The following DPYS variants were observed in gnomAD, a reference collection of about 807,000 sequenced individuals.
The protein encoded by DPYS is dihydropyrimidinase.
In DPYS, 39 loss-of-function variants were observed where a neutral mutation model predicts 50.3. That is an observed-to-expected ratio of 0.78 (90% CI 0.60 to 1.01). DPYS has a LOEUF of 1.01. Ranked by LOEUF, DPYS falls within the 50% of genes least tolerant of loss-of-function variation. The pLI is 0.00. For missense variants in DPYS, 659 were observed against 680.9 expected (o/e 0.97, Z 0.36); for synonymous variants, 245 against 250.7 (o/e 0.98, Z 0.22).
chr8:104,459,408 G>A (rs1432281227), intron 1 of DPYS, among the ~76,000 whole-genome samples: 7 of 152,122 alleles, frequency 4.6e-5, no homozygotes, highest in Non-Finnish European at 8.8e-5. Flanking sequence ...TCTGTTTACC[G>A]CTGAGAACAA....
chr8:104,446,132 A>C (rs1813521523), intron 3 of DPYS, among the ~76,000 whole-genome samples: 2 of 152,206 alleles, frequency 1.3e-5, no homozygotes, highest in South Asian at 4.1e-4. Context: ...TGTAACACAA[A>C]GGGTAAATGC....
At chr8:104,449,211 C>T (rs952022061) in intron 2 of DPYS, among the ~76,000 whole-genome samples, 5 of 152,026 alleles carry the variant, frequency 3.3e-5, no homozygotes, top group Admixed American at 6.6e-5. Context: ...ACAATGAGTA[C>T]ATTAGTTTTA....
chr8:104,448,949 C>T (rs904694302), intron 2 of DPYS, among the ~76,000 whole-genome samples: 4 of 152,080 alleles, frequency 2.6e-5, no homozygotes, highest in African/African-American at 9.7e-5. Flanking sequence ...GGATTTCAGC[C>T]CCATGAGAGA....
At chr8:104,404,268 T>G (rs969672640) in intron 7 of DPYS, among the ~76,000 whole-genome samples, 3 of 152,156 alleles carry the variant, frequency 2.0e-5, no homozygotes, top group Non-Finnish European at 4.4e-5. Context: ...CCCAGCTCAT[T>G]TGAACCTCAA....
chr8:104,381,419 T>A (rs1211591188), intron 8 of DPYS, 105 bp from the exon 9 acceptor site: 1 of 1,072,846 alleles, frequency 9.3e-7, no homozygotes, highest in South Asian at 1.3e-5. Flanking sequence ...AAGAATCTTA[T>A]AAATTTATCA....
At chr8:104,428,467 C>T (rs1022214265) in intron 5 of DPYS, among the ~76,000 whole-genome samples, 1 of 152,218 alleles carries the variant, frequency 6.6e-6, no homozygotes, top group African/African-American at 2.4e-5. Context: ...AAGATAACTT[C>T]AGAATCACCA....
At chr8:104,430,860 T>C (rs1812931674) in intron 4 of DPYS, among the ~76,000 whole-genome samples, 1 of 152,188 alleles carries the variant, frequency 6.6e-6, no homozygotes, top group Non-Finnish European at 1.5e-5. Context: ...TTCCGTGACA[T>C]ACCCTACTGG....
At chr8:104,450,147 AAGGAAGGG>A (rs1554700351) in intron 2 of DPYS, among the ~76,000 whole-genome samples, 2 of 68,016 alleles carry the variant, frequency 2.9e-5, no homozygotes, top group African/African-American at 9.4e-5. Flanking sequence ...GAAAAGAAAG[AAGGAAGGG>A]AGGAAGGGAG....
intron 7 of DPYS, among the ~76,000 whole-genome samples, chr8:104,414,777 T>C (rs1446599312): frequency 6.6e-6 from 1 of 152,198 alleles, no homozygotes; most frequent in East Asian, 1.9e-4. Context: ...GTTTCCTCCA[T>C]AACCGATGGC....
At chr8:104,458,721 T>C (rs956829118) in intron 1 of DPYS, among the ~76,000 whole-genome samples, 1 of 152,202 alleles carries the variant, frequency 6.6e-6, no homozygotes, top group East Asian at 1.9e-4. Flanking sequence ...AAGTTGCGTG[T>C]TAGTGTGAAA....
At chr8:104,409,139 T>G (rs1177432574) in intron 7 of DPYS, among the ~76,000 whole-genome samples, 2 of 151,656 alleles carry the variant, frequency 1.3e-5, no homozygotes, top group Non-Finnish European at 2.9e-5. Context: ...CTAAGGGGCA[T>G]TCTACTAAAA....
intron 8 of DPYS, among the ~76,000 whole-genome samples, chr8:104,381,935 A>T (rs184131851): frequency 4.6e-5 from 7 of 151,918 alleles, no homozygotes; most frequent in Admixed American, 3.9e-4. Context: ...GACCACCCAA[A>T]CTAATACATT....
intron 8 of DPYS, 145 bp from the exon 9 acceptor site, chr8:104,381,459 G>A (rs2253336): frequency 0.83 from 606,583 of 728,700 alleles, 258,953 homozygotes; most frequent in Non-Finnish European, 0.9. Flanking sequence ...GGCCTTTCAC[G>A]GAAATTCCTG....
At position 104,392,785 on chromosome 8, in the gene DPYS, C is replaced by G; in HGVS notation, c.1442G>C (p.Arg481Pro). 6.2e-7 allele frequency: 1 copy of G among 1,614,046 alleles called. No individual in the cohort carries two copies. The highest frequency in any genetic ancestry group is 1.1e-5 in the South Asian group (1 of 91,056). ...AGTATCCCACTGTGGCACACTCACCCGGTCTCGCTGCTTTATTCGTTTGTA... is the reference window on the plus strand; with the variant it reads ...AGTATCCCACTGTGGCACACTCACCGGGTCTCGCTGCTTTATTCGTTTGTA... ...YIYKRIKQRD[R>P]TCTPTPVERA... is the part of the protein sequence containing the mutation. The change falls in exon 8 of 10, where the codon CGG (arginine) becomes CCG (proline). Residue 481 changes from arginine to proline, a missense_variant and splice_region_variant. Coordinates refer to ENST00000351513, the MANE Select transcript of DPYS (RefSeq NM_001385.3).
chr8:104,460,592 A>C (rs1814091718), intron 1 of DPYS, among the ~76,000 whole-genome samples: 1 of 152,214 alleles, frequency 6.6e-6, no homozygotes, highest in Non-Finnish European at 1.5e-5. Context: ...TACCCAGGCC[A>C]GACATGTGAG....
intron 6 of DPYS, among the ~76,000 whole-genome samples, chr8:104,427,588 A>AT (rs1480830599): frequency 2.0e-5 from 3 of 151,768 alleles, no homozygotes; most frequent in South Asian, 2.1e-4. Context: ...CCCTTCGTGT[A>AT]TTTTTTATCA....
intron 7 of DPYS, among the ~76,000 whole-genome samples, chr8:104,398,355 T>C (rs1811659391): frequency 6.6e-6 from 1 of 152,240 alleles, no homozygotes; most frequent in South Asian, 2.1e-4. Context: ...GCAGTATCTG[T>C]GCCTAGGAGC....
chr8:104,444,872 G>T (rs1377435872), intron 3 of DPYS, among the ~76,000 whole-genome samples: 2 of 150,758 alleles, frequency 1.3e-5, no homozygotes, highest in South Asian at 2.2e-4. Flanking sequence ...TCTGACAGGG[G>T]ATTAAGAAGC....
At chr8:104,406,136 T>A (rs1438542965) in intron 7 of DPYS, among the ~76,000 whole-genome samples, 1 of 152,144 alleles carries the variant, frequency 6.6e-6, no homozygotes, top group African/African-American at 2.4e-5. Context: ...TGAACCCCTG[T>A]GCTGTAAATG....
Sources: allele counts gnomAD v4.1 joint callset (sites outside exome capture counted in the v4.1 genomes callset), GRCh38; gene constraint gnomAD v4.1.1; transcripts MANE v1.5; gene names NCBI Gene and HGNC (gene_info 2026-07-23, HGNC 2026-07-21).